Variants in GDA observed in about 807,000 individuals in gnomAD.
The protein encoded by GDA is cytoplasmic PSD-95 interactor.
Under a neutral mutation model 59.6 loss-of-function variants are expected in GDA, and 18 were observed. The observed-to-expected ratio is 0.30, with a 90% CI of 0.21 to 0.45. GDA has a LOEUF of 0.45. GDA is among the 20% of genes least tolerant of loss of function. The probability of loss-of-function intolerance (pLI) is 1.00; values close to 1 mark genes in which losing one functional copy is unlikely to be tolerated. For missense variants in GDA, 427 were observed against 552.3 expected (o/e 0.77, Z 2.27); for synonymous variants, 201 against 201.1 (o/e 1.00, Z 0.00).
At chr9:72,164,906 C>T (rs958446463) in intron 1 of GDA, among the ~76,000 whole-genome samples, 3 of 149,126 alleles carry the variant, frequency 2.0e-5, no homozygotes, top group South Asian at 2.1e-4. Flanking sequence ...AGGAGAATGG[C>T]GTGAAACCGG....
At chr9:72,198,376 A>G (rs1833460336) in intron 2 of GDA, among the ~76,000 whole-genome samples, 1 of 152,030 alleles carries the variant, frequency 6.6e-6, no homozygotes, top group African/African-American at 2.4e-5. Context: ...CATCTCTACT[A>G]AAAATACAAA....
intron 10 of GDA, among the ~76,000 whole-genome samples, chr9:72,236,479 C>T (rs1261681858): frequency 6.6e-6 from 1 of 152,152 alleles, no homozygotes; most frequent in Admixed American, 6.6e-5. Context: ...GAAATCCTTC[C>T]CTCAATCTCC....
chr9:72,126,001 C>T (rs1317466529), intron 1 of GDA, among the ~76,000 whole-genome samples: 1 of 152,176 alleles, frequency 6.6e-6, no homozygotes, highest in African/African-American at 2.4e-5. Flanking sequence ...ACTGCAACCT[C>T]TGCCTCCTGG....
intron 3 of GDA, among the ~76,000 whole-genome samples, chr9:72,208,220 T>G (rs1305620893): frequency 1.3e-5 from 2 of 152,230 alleles, no homozygotes; most frequent in African/African-American, 4.8e-5. Context: ...ATTTCAATCC[T>G]GCAGACACTT....
At chr9:72,212,125 G>A (rs1418905619) in intron 4 of GDA, among the ~76,000 whole-genome samples, 1 of 152,190 alleles carries the variant, frequency 6.6e-6, no homozygotes, top group East Asian at 1.9e-4. Context: ...CTAGGTTCTA[G>A]TGCTGAGAGC....
At chr9:72,152,822 T>C (rs9775806) in intron 1 of GDA, among the ~76,000 whole-genome samples, 1 of 152,144 alleles carries the variant, frequency 6.6e-6, no homozygotes, top group African/African-American at 2.4e-5. Context: ...ATTTTGGCTT[T>C]TGTTGCCATG....
chr9:72,201,298 A>G (rs750827908), intron 2 of GDA, among the ~76,000 whole-genome samples: 1 of 152,198 alleles, frequency 6.6e-6, no homozygotes, highest in African/African-American at 2.4e-5. Context: ...CTTTAACTCA[A>G]CTGCTGCCCA....
At chr9:72,134,876 T>C (rs1274165646) in intron 1 of GDA, among the ~76,000 whole-genome samples, 1 of 152,246 alleles carries the variant, frequency 6.6e-6, no homozygotes, top group African/African-American at 2.4e-5. Flanking sequence ...CTGGAACTGT[T>C]AGTACAGAGC....
At chr9:72,169,135 T>A (rs1407156309) in intron 1 of GDA, among the ~76,000 whole-genome samples, 1 of 152,236 alleles carries the variant, frequency 6.6e-6, no homozygotes, top group Non-Finnish European at 1.5e-5. Context: ...TTAAGCAGTT[T>A]TCATTGACAC....
intron 12 of GDA, among the ~76,000 whole-genome samples, chr9:72,245,992 A>G (rs1840099318): frequency 1.3e-5 from 2 of 152,178 alleles, no homozygotes; most frequent in African/African-American, 2.4e-5. Context: ...TAAATATGTT[A>G]AAGATTTTAA....
intron 9 of GDA, among the ~76,000 whole-genome samples, chr9:72,229,447 G>A (rs1382403576): frequency 2.0e-5 from 3 of 152,128 alleles, no homozygotes; most frequent in Admixed American, 1.3e-4. Flanking sequence ...CATCACGGAA[G>A]TTACCACTGT....
At chr9:72,174,905 A>G (rs1830382700) in intron 1 of GDA, among the ~76,000 whole-genome samples, 1 of 152,144 alleles carries the variant, frequency 6.6e-6, no homozygotes, top group South Asian at 2.1e-4. Context: ...GGACAGGAAG[A>G]AAGGAAAAGT....
intron 9 of GDA, 130 bp downstream of exon 9, chr9:72,228,170 A>G (rs866441813): frequency 3.2e-5 from 21 of 652,214 alleles, no homozygotes; most frequent in Admixed American, 8.9e-5. Flanking sequence ...ACCCAGATAG[A>G]TAGACATTTA....
intron 10 of GDA, among the ~76,000 whole-genome samples, chr9:72,235,799 AG>A (rs1198056680): frequency 6.6e-6 from 1 of 152,208 alleles, no homozygotes; most frequent in East Asian, 1.9e-4. Context: ...TTTTAAAGAT[AG>A]GATACCTCCT....
intron 9 of GDA, among the ~76,000 whole-genome samples, chr9:72,230,228 C>T (rs1264988418): frequency 1.3e-5 from 2 of 152,070 alleles, no homozygotes; most frequent in Non-Finnish European, 2.9e-5. Flanking sequence ...CATGGTGGCT[C>T]ATGCCTGCAG....
At chr9:72,161,900 G>C (rs189824112) in intron 1 of GDA, among the ~76,000 whole-genome samples, 191 of 152,326 alleles carry the variant, frequency 1.3e-3, no homozygotes, top group African/African-American at 4.5e-3. Flanking sequence ...ACAAGAAATA[G>C]TTAATCAACA....
Position 72,248,804 on chromosome 9 carries a change from A to G in GDA, c.*462A>G, listed in dbSNP as rs1292235654. On this transcript the variant is annotated 3_prime_UTR_variant, in exon 14 of 14. Transcript: ENST00000358399. ...TTAGACTGAGAACAAACGTTAGAAA[A>G]TCACTTCAGATTGTGTTTGAAAATT... The G allele has an allele frequency of 2.0e-6, 2 of 990,590 alleles. No homozygotes were observed. Among genetic ancestry groups the G allele is most frequent in the Non-Finnish European group, 2.4e-6 (2 of 832,374 alleles). 61.4% of individuals were successfully genotyped at this position (990,590 alleles called of 1,614,324 possible). A position where few individuals can be genotyped will look rare whatever the true frequency, so the allele number is the denominator to read the frequency against.
Position 72,149,676 on chromosome 9 carries a change from C to A in GDA, c.117C>A (p.Ser39Arg). The A allele has an allele frequency of 6.3e-7, 1 of 1,598,964 alleles. No homozygotes were observed. Among genetic ancestry groups the A allele is most frequent in the Non-Finnish European group, 8.5e-7 (1 of 1,173,892 alleles). Residue 39 changes from serine (S) to arginine (R), a missense_variant, in exon 1 of 14, where the codon AGC (serine) becomes AGA (arginine). Coordinates refer to ENST00000358399, the MANE Select transcript of GDA (RefSeq NM_004293.5). ...LRDHLLGVSDSGKIVFLEEAS... is the reference protein window; with the variant it reads ...LRDHLLGVSDRGKIVFLEEAS... ...ATCACCTCCTCGGCGTGAGCGACAG[C>A]GGCAAAGTAAGCAGGCGCGGGGTCG...
chr9:72,218,805 A>G (rs761213293), intron 5 of GDA, among the ~76,000 whole-genome samples: 2 of 152,254 alleles, frequency 1.3e-5, no homozygotes, highest in East Asian at 1.9e-4. Flanking sequence ...CTCCAAGTGC[A>G]TAGGACTTCA....
Sources: allele counts gnomAD v4.1 joint callset (sites outside exome capture counted in the v4.1 genomes callset), GRCh38; gene constraint gnomAD v4.1.1; transcripts MANE v1.5; gene names NCBI Gene and HGNC (gene_info 2026-07-23, HGNC 2026-07-21).